AGAP1: variants seen among roughly 807,000 people sequenced by gnomAD.
The protein encoded by AGAP1 is ArfGAP with GTPase domain, ankyrin repeat and PH domain 1.
AGAP1 carries 29 observed loss-of-function variants against 105.3 expected under a neutral mutation model. The ratio of observed to expected loss-of-function variants is 0.28; its 90% CI spans 0.21 to 0.38. AGAP1 has a LOEUF of 0.38. Ranked by LOEUF, AGAP1 falls within the 10% of genes least tolerant of loss-of-function variation. The pLI is 1.00. For synonymous variants in AGAP1, 509 were observed against 485.9 expected, an observed-to-expected ratio of 1.05 and a Z score of -0.63; for missense variants, 998 against 1,165.1, an observed-to-expected ratio of 0.86 and a Z score of 2.09.
intron 10 of AGAP1, among the ~76,000 whole-genome samples, chr2:235,892,028 C>T (rs1197999983): frequency 6.6e-6 from 1 of 152,098 alleles, no homozygotes; most frequent in Non-Finnish European, 1.5e-5. Context: ...CTGGTGGGTG[C>T]CTGTAATCCC....
Position 235,882,389 on chromosome 2 carries a change from A to G in AGAP1, c.1051-956A>G. The G allele has an allele frequency of 6.4e-7, 1 of 1,553,640 alleles. No individual in the cohort carries two copies. Among genetic ancestry groups the G allele is most frequent in the South Asian group, 1.1e-5 (1 of 88,502 alleles). ...AGGAAATTTCACTCCGCTTCTGCCCAGTGGTCTCTTTGGTCGGCAGGGTGT... is the reference window on the plus strand; with the variant it reads ...AGGAAATTTCACTCCGCTTCTGCCCGGTGGTCTCTTTGGTCGGCAGGGTGT... On this transcript the variant is annotated intron_variant, in intron 9 of 17. Coordinates refer to ENST00000304032, the MANE Select transcript of AGAP1 (RefSeq NM_001037131.3). This position sits in a 1 kb window ranked among gnomAD's most constrained non-coding sequence, Gnocchi z 4.6.
intron 16 of AGAP1, among the ~76,000 whole-genome samples, chr2:236,064,168 A>G (rs949660380): frequency 6.6e-6 from 1 of 152,226 alleles, no homozygotes; most frequent in Non-Finnish European, 1.5e-5. Context: ...CCAAGCCAGA[A>G]TTAGCCTGTG....
rs887790035 is a variant in AGAP1, at chr2:235,736,705, C to T, written c.311-4258C>T. ...CCCCATCTCATCTATCCAGGTGTGG[C>T]GGCACATGTCCGTGGTCCCAGCTAC... On this transcript the variant is annotated intron_variant, in intron 3 of 17. Transcript: ENST00000304032. The surrounding 1 kb of genome is among the most constrained non-coding windows in gnomAD (Gnocchi z 5.5). 5.9e-5 allele frequency among the ~76,000 whole-genome samples: 9 copies of T among 152,060 alleles called. No homozygotes were observed. Among genetic ancestry groups the T allele is most frequent in the African/African-American group, 1.7e-4 (7 of 41,408 alleles).
At chr2:235,667,037 A>T (rs924535153) in intron 1 of AGAP1, among the ~76,000 whole-genome samples, 16 of 152,084 alleles carry the variant, frequency 1.1e-4, no homozygotes, top group Non-Finnish European at 8.8e-5. Flanking sequence ...GGTGACCTTT[A>T]AGTCTGTACA....
chr2:235,849,963 C>G (rs140530203), intron 9 of AGAP1, among the ~76,000 whole-genome samples: 1 of 152,348 alleles, frequency 6.6e-6, no homozygotes, highest in Non-Finnish European at 1.5e-5. Context: ...CCCTCTCAGC[C>G]TTCTTCATAG....
At chr2:236,063,636 G>A (rs1198936936) in intron 16 of AGAP1, among the ~76,000 whole-genome samples, 5 of 152,226 alleles carry the variant, frequency 3.3e-5, no homozygotes. Flanking sequence ...GCCACCCAGT[G>A]TAGCAGAGGC....
intron 16 of AGAP1, among the ~76,000 whole-genome samples, chr2:236,069,191 A>G (rs559756414): frequency 6.6e-6 from 1 of 152,284 alleles, no homozygotes; most frequent in African/African-American, 2.4e-5. Flanking sequence ...TAAATAAATT[A>G]TTACTTTAGT....
At chr2:235,735,771 A>G (rs1451642414) in intron 3 of AGAP1, among the ~76,000 whole-genome samples, 1 of 152,090 alleles carries the variant, frequency 6.6e-6, no homozygotes, top group African/African-American at 2.4e-5. Context: ...AGGGCAAACT[A>G]AGGCACCCAG....
At chr2:236,016,381 C>CTT (rs151088125) in intron 13 of AGAP1, among the ~76,000 whole-genome samples, 10 of 114,674 alleles carry the variant, frequency 8.7e-5, no homozygotes, top group Non-Finnish European at 1.4e-4. Flanking sequence ...GTTGGGTTTG[C>CTT]TTTTTTTTTT....
chr2:235,916,745 A>G (rs1207642435), intron 11 of AGAP1, among the ~76,000 whole-genome samples: 1 of 152,224 alleles, frequency 6.6e-6, no homozygotes, highest in Non-Finnish European at 1.5e-5. Context: ...ATTCATCATC[A>G]TGGTTATGCC....
At chr2:235,573,606 A>T (rs1944642634) in intron 1 of AGAP1, among the ~76,000 whole-genome samples, 1 of 152,196 alleles carries the variant, frequency 6.6e-6, no homozygotes, top group Non-Finnish European at 1.5e-5. Flanking sequence ...TATTTAAGTG[A>T]TGTGATAATA....
Position 235,553,468 on chromosome 2 carries a change from C to G in AGAP1, c.163+58619C>G, listed in dbSNP as rs1943878228. On this transcript the variant is annotated intron_variant, in intron 1 of 17. Transcript: ENST00000304032. The surrounding 1 kb of genome is among the most constrained non-coding windows in gnomAD (Gnocchi z 4.5). ...TTGTGTTGCTAGGATTAGTTAAGAACTGATTTGAGGTCACTAGCACATGGT... is the reference window on the plus strand; with the variant it reads ...TTGTGTTGCTAGGATTAGTTAAGAAGTGATTTGAGGTCACTAGCACATGGT... 6.6e-6 allele frequency among the ~76,000 whole-genome samples: 1 copy of G among 152,046 alleles called. No individual in the cohort carries two copies. The highest frequency in any genetic ancestry group is 2.4e-5 in the African/African-American group (1 of 41,382).
chr2:236,072,069 C>CA (rs887205111), intron 16 of AGAP1, among the ~76,000 whole-genome samples: 1 of 150,236 alleles, frequency 6.7e-6, no homozygotes, highest in South Asian at 2.1e-4. Flanking sequence ...TTTCAATTCT[C>CA]AAAAAAAGCT....
chr2:235,692,885 G>A lies in AGAP1; in HGVS notation c.164-16294G>A, dbSNP rs539216358. Among the ~76,000 whole-genome samples, 13 of 152,258 alleles carry A rather than the reference G, an allele frequency of 8.5e-5. No homozygotes were observed. The South Asian group carries it at 2.7e-3, about 32-fold the overall frequency. ...GTGGCACTGCCTGGCTCCGGAGATA[G>A]CGAGGGAGGGAGGGAGGCAGTGAGC... On this transcript the variant is annotated intron_variant, in intron 1 of 17. Transcript: ENST00000304032. This position sits in a 1 kb window ranked among gnomAD's most constrained non-coding sequence, Gnocchi z 5.8.
intron 6 of AGAP1, among the ~76,000 whole-genome samples, chr2:235,762,682 A>C (rs1485386333): frequency 1.3e-5 from 2 of 152,198 alleles, no homozygotes; most frequent in Admixed American, 1.3e-4. Context: ...AGACCGGCCA[A>C]CATGGCGAAA....
chr2:235,763,619 G>A (rs949974108), intron 6 of AGAP1, among the ~76,000 whole-genome samples: 9 of 152,154 alleles, frequency 5.9e-5, no homozygotes, highest in South Asian at 4.1e-4. Context: ...TTGAATCCTT[G>A]GTGTTGACTG....
intron 9 of AGAP1, among the ~76,000 whole-genome samples, chr2:235,881,267 T>A (rs2050011087): frequency 6.6e-6 from 1 of 152,188 alleles, no homozygotes; most frequent in Admixed American, 6.5e-5. Flanking sequence ...AATTATTCAT[T>A]CTTATGTTGT....
intron 9 of AGAP1, among the ~76,000 whole-genome samples, chr2:235,828,791 G>A (rs1308299775): frequency 6.6e-6 from 1 of 152,188 alleles, no homozygotes; most frequent in African/African-American, 2.4e-5. Context: ...TTGACACGTT[G>A]AGGACACGCT....
In AGAP1 at chr2:235,921,136, A is replaced by T. The variant is rs187968022; in HGVS notation, c.1325-9629A>T. On this transcript the variant is annotated intron_variant, in intron 11 of 17. Coordinates refer to ENST00000304032, the MANE Select transcript of AGAP1 (RefSeq NM_001037131.3). ...GAATTTCTTCTAAGGAAAATTCAAA[A>T]GTAGAAGATGTCCTTTGCAGTGTTG... Among the ~76,000 whole-genome samples, 43 of 152,364 alleles carry T rather than the reference A, an allele frequency of 2.8e-4. No homozygotes were observed. The South Asian group carries it at 3.1e-3, about 11-fold the overall frequency.
Sources: gnomAD v4.1 joint callset for allele counts (sites outside exome capture counted in the v4.1 genomes callset) on GRCh38, gnomAD v4.1.1 for gene constraint, Gnocchi (gnomAD v3.1) non-coding constraint, MANE v1.5 for transcripts, NCBI Gene and HGNC (gene_info 2026-07-23, HGNC 2026-07-21) for gene names.